Variants in DBT observed in about 807,000 individuals in gnomAD.
DBT encodes lipoamide acyltransferase component of branched-chain alpha-keto acid dehydrogenase complex, mitochondrial.
DBT carries 40 observed loss-of-function variants against 51.3 expected under a neutral mutation model. That is an observed-to-expected ratio of 0.78 (90% CI 0.61 to 1.02). The LOEUF (loss-of-function observed/expected upper bound fraction) is 1.02, where lower values mean the gene tolerates loss of function less well. DBT is among the 50% of genes least tolerant of loss of function. DBT has a pLI of 0.00. For synonymous variants in DBT, 181 were observed against 190.4 expected, an observed-to-expected ratio of 0.95 and a Z score of 0.41; for missense variants, 510 against 580.2, an observed-to-expected ratio of 0.88 and a Z score of 1.24.
chr1:100,231,364 T>A (rs917826447), intron 3 of DBT, among the ~76,000 whole-genome samples: 4 of 152,212 alleles, frequency 2.6e-5, no homozygotes, highest in Non-Finnish European at 5.9e-5. Flanking sequence ...GTTCTCCCAG[T>A]CTTTCTTCCT....
At chr1:100,245,414 T>C (rs1183446535) in intron 1 of DBT, among the ~76,000 whole-genome samples, 2 of 152,148 alleles carry the variant, frequency 1.3e-5, no homozygotes, top group African/African-American at 4.8e-5. Flanking sequence ...TATGGAATTA[T>C]CAGTTTTATA....
intron 3 of DBT, 144 bp downstream of exon 3, chr1:100,235,292 T>A: frequency 1.8e-6 from 1 of 558,710 alleles, no homozygotes; most frequent in South Asian, 2.3e-5. Flanking sequence ...CCTTATTGCT[T>A]TTAAAAATGC....
chr1:100,234,831 G>C (rs1222334035), intron 3 of DBT, among the ~76,000 whole-genome samples: 8 of 152,178 alleles, frequency 5.3e-5, no homozygotes. Flanking sequence ...TGTTCAGGTG[G>C]TTGAACCAGA....
chr1:100,223,805 G>C (rs1047946471), intron 4 of DBT, among the ~76,000 whole-genome samples: 1 of 151,792 alleles, frequency 6.6e-6, no homozygotes, highest in African/African-American at 2.4e-5. Context: ...CTGAAACATG[G>C]AATAGCTTTG....
chr1:100,230,896 A>T lies in DBT; in HGVS notation c.270T>A (p.Asp90Glu). 1.3e-6 allele frequency: 2 copies of T among 1,599,226 alleles called. No individual in the cohort carries two copies. Among genetic ancestry groups the T allele is most frequent in the South Asian group, 2.2e-5 (2 of 90,760 alleles). ...AGATGCTATCAAACTGAGACACTGTATCTCCTTCTTTTACATACCTAAAAG... is the reference window on the plus strand; with the variant it reads ...AGATGCTATCAAACTGAGACACTGTTTCTCCTTCTTTTACATACCTAAAAG... ...TVKEWYVKEGDTVSQFDSICE... is the reference protein window; with the variant it reads ...TVKEWYVKEGETVSQFDSICE... The change falls in exon 4 of 11, where the codon GAT (aspartate) becomes GAA (glutamate). Residue 90 changes from aspartate to glutamate, a missense_variant. By Grantham distance (45) the Asp-to-Glu change is conservative (BLOSUM62 2). Coordinates refer to ENST00000370132, the MANE Select transcript of DBT (RefSeq NM_001918.5).
intron 5 of DBT, 73 bp from the exon 6 acceptor site, chr1:100,216,272 T>C (rs778298135): frequency 2.1e-4 from 211 of 1,027,348 alleles, no homozygotes; most frequent in Non-Finnish European, 3.0e-4. Context: ...AAATGGAATT[T>C]GATCAACTGA....
At position 100,249,120 on chromosome 1, in the gene DBT, A is replaced by G. The variant is rs927471954; in HGVS notation, c.51+650T>C. The stretch of plus-strand genomic sequence containing the variant: ...GGGAGAAGAGGCAGGAAGAAGAAAC[A>G]CTAAGCAAATAGGGGTAACAAGTAT... On this transcript the variant is annotated intron_variant, in intron 1 of 10. Coordinates refer to ENST00000370132, the MANE Select transcript of DBT (RefSeq NM_001918.5). 3.0e-6 allele frequency: 3 copies of G among 987,624 alleles called. No homozygotes were observed. The African/African-American group carries it at 5.2e-5, about 17-fold the overall frequency. The allele number at this position is 987,624 out of a possible 1,614,324, so 61.2% of individuals were successfully genotyped here.
rs1660936981 is a variant in DBT at position 100,194,007 on chromosome 1, GC to G, written c.*2247del. The G allele has an allele frequency of 6.6e-6, 1 of 152,114 alleles. No homozygotes were observed. The highest frequency in any genetic ancestry group is 6.5e-5 in the Admixed American group (1 of 15,272). 9.4% of individuals were successfully genotyped at this position (152,114 alleles called of 1,614,324 possible). A position where few individuals can be genotyped will look rare whatever the true frequency, so the allele number is the denominator to read the frequency against. ...AATCAAATAATAAAATAGTAGATATGCTATGATCATGTTTTAACAAAAAAGA... is the reference window on the plus strand; with the variant it reads ...AATCAAATAATAAAATAGTAGATATGTATGATCATGTTTTAACAAAAAAGA... On this transcript the variant is annotated 3_prime_UTR_variant, in exon 11 of 11. Transcript: ENST00000370132.
At position 100,218,709 on chromosome 1, in the gene DBT, G is replaced by A. The variant is rs1570820483; in HGVS notation, c.472C>T (p.His158Tyr). 6.2e-7 allele frequency: 1 copy of A among 1,613,928 alleles called. No individual in the cohort carries two copies. The highest frequency in any genetic ancestry group is 8.5e-7 in the Non-Finnish European group (1 of 1,179,918). Residue 158 changes from histidine (H) to tyrosine (Y), a missense_variant, in exon 5 of 11, where the codon CAT (histidine) becomes TAT (tyrosine). Coordinates refer to ENST00000370132, the MANE Select transcript of DBT (RefSeq NM_001918.5). ...EDVVETPAVSHDEHTHQEIKG... is the reference protein window; with the variant it reads ...EDVVETPAVSYDEHTHQEIKG... ...ATCTCTTGGTGTGTATGTTCATCAT[G>A]AGACACTGCAGGAGTTTCAACAACA...
chr1:100,203,035 G>A (rs984204651), intron 10 of DBT, among the ~76,000 whole-genome samples: 1 of 152,068 alleles, frequency 6.6e-6, no homozygotes, highest in Non-Finnish European at 1.5e-5. Flanking sequence ...ACAGTTAAAA[G>A]AACTAGAGAA....
chr1:100,196,407 T>C lies in DBT; in HGVS notation c.1297A>G (p.Asn433Asp). 6.5e-7 allele frequency: 1 copy of C among 1,550,304 alleles called. No homozygotes were observed. The highest frequency in any genetic ancestry group is 8.8e-7 in the Non-Finnish European group (1 of 1,139,696). Residue 433 changes from asparagine to aspartate, a missense_variant, in exon 11 of 11, where the codon AAC (asparagine) becomes GAC (aspartate). Physicochemically the swap from Asn to Asp is conservative, Grantham distance 23 (BLOSUM62 1). Transcript: ENST00000370132. ...LGSIKAIPRF[N>D]QKGEVYKAQI... is the part of the protein sequence containing the mutation. ...GCCTTATATACTTCTCCTTTCTGGT[T>C]AAATCGGGGAATGGCCTAGAAATGA...
At chr1:100,211,484 T>C (rs1191465554) in intron 7 of DBT, among the ~76,000 whole-genome samples, 1 of 152,178 alleles carries the variant, frequency 6.6e-6, no homozygotes. Context: ...ATTTAAAAGA[T>C]AGCAAAATAA....
intron 4 of DBT, among the ~76,000 whole-genome samples, chr1:100,221,852 CTG>C (rs1388263507): frequency 2.0e-5 from 3 of 152,098 alleles, no homozygotes; most frequent in African/African-American, 7.2e-5. Context: ...ATTGATAAAA[CTG>C]TGAAACTGCA....
chr1:100,189,609 C>A lies in DBT; in HGVS notation c.*6646G>T, dbSNP rs72973747. 4,243 of 152,034 alleles carry A rather than the reference C, an allele frequency of 0.028. 217 individuals carry two copies. The highest frequency in any genetic ancestry group is 0.099 in the African/African-American group (4,099 of 41,432). The allele number at this position is 152,034 out of a possible 1,614,324, so 9.4% of individuals were successfully genotyped here. On this transcript the variant is annotated 3_prime_UTR_variant, in exon 11 of 11. Transcript: ENST00000370132. ...GGCCAACACTGATTACAGGTGAGCACTGGGGAAAAAAGCCAGGATTGCAAG... is the reference window on the plus strand; with the variant it reads ...GGCCAACACTGATTACAGGTGAGCAATGGGGAAAAAAGCCAGGATTGCAAG...
At chr1:100,238,709 G>A (rs1254774019) in intron 2 of DBT, among the ~76,000 whole-genome samples, 1 of 152,128 alleles carries the variant, frequency 6.6e-6, no homozygotes, top group African/African-American at 2.4e-5. Flanking sequence ...CAATGGTTAA[G>A]CTAGGCTAGT....
intron 4 of DBT, among the ~76,000 whole-genome samples, chr1:100,228,481 A>G (rs1021775352): frequency 2.6e-5 from 4 of 152,220 alleles, no homozygotes; most frequent in Non-Finnish European, 5.9e-5. Context: ...GAAATAGGCC[A>G]GGCATGGTGG....
chr1:100,216,316 A>G, intron 5 of DBT, 117 bp from the exon 6 acceptor site: 1 of 751,658 alleles, frequency 1.3e-6, no homozygotes, highest in East Asian at 2.7e-5. Context: ...AATTAGTAAA[A>G]GGAAATAACC....
chr1:100,246,838 G>A (rs1369562974), intron 1 of DBT, among the ~76,000 whole-genome samples: 1 of 152,214 alleles, frequency 6.6e-6, no homozygotes, highest in African/African-American at 2.4e-5. Flanking sequence ...AGGAAATAGA[G>A]TGTGTTAAGG....
At chr1:100,206,015 G>T (rs1441617362) in intron 10 of DBT, among the ~76,000 whole-genome samples, 2 of 150,854 alleles carry the variant, frequency 1.3e-5, no homozygotes, top group African/African-American at 4.9e-5. Context: ...ACCATGGCAG[G>T]TGTATACTCA....
Sources: gnomAD v4.1 joint callset for allele counts (sites outside exome capture counted in the v4.1 genomes callset) on GRCh38, gnomAD v4.1.1 for gene constraint, MANE v1.5 for transcripts, NCBI Gene and HGNC (gene_info 2026-07-23, HGNC 2026-07-21) for gene names.